The following CYP4F12 variants were observed in gnomAD, a reference collection of about 807,000 sequenced individuals.
CYP4F12 encodes cytochrome P450 4F12.
In CYP4F12, 60 loss-of-function variants were observed where a neutral mutation model predicts 56.5. That is an observed-to-expected ratio of 1.06 (90% CI 0.86 to 1.32). CYP4F12 has a LOEUF of 1.32. Among genes scored for constraint, CYP4F12 ranks in the 40% most tolerant of loss-of-function variants. CYP4F12 has a pLI of 0.00. For synonymous variants in CYP4F12, 263 were observed against 264.9 expected, an observed-to-expected ratio of 0.99 and a Z score of 0.07; for missense variants, 711 against 683.5, an observed-to-expected ratio of 1.04 and a Z score of -0.45.
chr19:15,694,408 C>A (rs1483156391), intron 9 of CYP4F12, among the ~76,000 whole-genome samples: 3 of 152,034 alleles, frequency 2.0e-5, no homozygotes, highest in African/African-American at 7.3e-5. Flanking sequence ...CCTTCACGTC[C>A]CTTGTAAGTT....
chr19:15,682,525 A>G lies in CYP4F12; in HGVS notation c.647+15A>G. 1 of 1,612,248 alleles carries G rather than the reference A, an allele frequency of 6.2e-7. No individual in the cohort carries two copies. The highest frequency in any genetic ancestry group is 8.5e-7 in the Non-Finnish European group (1 of 1,178,776). On this transcript the variant is annotated intron_variant, in intron 6 of 12. Coordinates refer to ENST00000550308, the MANE Select transcript of CYP4F12 (RefSeq NM_023944.4). ...CATTGTCAGGAGTGAGTTCCTTCCT[A>G]GGGCCTGGGATATGAATCCATGGAC...
At position 15,694,813 on chromosome 19, in the gene CYP4F12, C is replaced by T. The variant is rs1281317403; in HGVS notation, c.1116-1123C>T. ...AAAACCACAATGAGATACCATCTCA[C>T]ACCAGTTAGAATGGCAATCATTAAA... On this transcript the variant is annotated intron_variant, in intron 9 of 12. Coordinates refer to ENST00000550308, the MANE Select transcript of CYP4F12 (RefSeq NM_023944.4). 3.3e-5 allele frequency among the ~76,000 whole-genome samples: 5 copies of T among 152,200 alleles called. No homozygotes were observed. The East Asian group carries it at 9.6e-4, about 29-fold the overall frequency.
chr19:15,679,611 C>T (rs1040932724), intron 3 of CYP4F12, among the ~76,000 whole-genome samples: 1 of 152,228 alleles, frequency 6.6e-6, no homozygotes, highest in Non-Finnish European at 1.5e-5. Flanking sequence ...TCTGGTTCTT[C>T]TCTGACATGT....
At position 15,695,977 on chromosome 19, in the gene CYP4F12, A is replaced by G. The variant is rs956172433; in HGVS notation, c.1157A>G (p.Lys386Arg). 1 of 1,613,946 alleles carries G rather than the reference A, an allele frequency of 6.2e-7. No individual in the cohort carries two copies. Among genetic ancestry groups the G allele is most frequent in the Middle Eastern group, 1.6e-4 (1 of 6,062 alleles). The stretch of plus-strand genomic sequence containing the variant: ...CTGCCCTTCCTGACCATGTGCGTGA[A>G]GGAGAGCCTGAGGTTACATCCCCCA... ...AQLPFLTMCV[K>R]ESLRLHPPAP... The change falls in exon 10 of 13, where the codon AAG (lysine) becomes AGG (arginine). Residue 386 changes from lysine (K) to arginine (R), a missense_variant. Coordinates refer to ENST00000550308, the MANE Select transcript of CYP4F12 (RefSeq NM_023944.4).
At chr19:15,689,968 G>C (rs2007798679) in intron 9 of CYP4F12, among the ~76,000 whole-genome samples, 1 of 152,150 alleles carries the variant, frequency 6.6e-6, no homozygotes, top group African/African-American at 2.4e-5. Flanking sequence ...GTTGGGAGCC[G>C]GGTAAGGGAG....
rs775256919 is a variant in CYP4F12 at position 15,683,572 on chromosome 19, A to C, written c.727A>C (p.Met243Leu). ...EKRSQHILQH[M>L]DFLYYLSHDG... is the part of the protein sequence containing the mutation. ...AAGAAGCCAGCATATCCTCCAGCAC[A>C]TGGACTTTCTGTATTACCTCTCCCA... Residue 243 changes from methionine to leucine, a missense_variant, in exon 7 of 13, where the codon ATG (methionine) becomes CTG (leucine). Transcript: ENST00000550308. 5.0e-6 allele frequency: 8 copies of C among 1,613,978 alleles called. No individual in the cohort carries two copies. In the African/African-American group the frequency reaches 1.1e-4, roughly 22 times the overall value.
In CYP4F12 at chr19:15,696,900, G is replaced by T. The variant is rs763028127; in HGVS notation, c.1398-8G>T. ...GGGCACAGTCACAGTCCCCACTCCC[G>T]CCTGCAGGAACTGCATCGGGCAGGC... On this transcript the variant is annotated splice_polypyrimidine_tract_variant and splice_region_variant and intron_variant, in intron 12 of 12. Transcript: ENST00000550308. 4.4e-6 allele frequency: 7 copies of T among 1,608,668 alleles called. No homozygotes were observed. The highest frequency in any genetic ancestry group is 5.9e-6 in the Non-Finnish European group (7 of 1,177,136).
chr19:15,690,027 ACTAAAACCT>A (rs1309103124), intron 9 of CYP4F12, among the ~76,000 whole-genome samples: 2 of 152,206 alleles, frequency 1.3e-5, no homozygotes, highest in African/African-American at 4.8e-5. Context: ...TGATGGGTGC[ACTAAAACCT>A]CAGAATTCAC....
intron 2 of CYP4F12, 73 bp downstream of exon 2, chr19:15,673,800 G>A: frequency 6.4e-7 from 1 of 1,561,866 alleles, no homozygotes; most frequent in Non-Finnish European, 8.7e-7. Context: ...ATGGGGCTCA[G>A]TGAGCTAGGT....
intron 2 of CYP4F12, 58 bp downstream of exon 2, chr19:15,673,785 C>T (rs780879796): frequency 6.4e-5 from 101 of 1,589,226 alleles, no homozygotes; most frequent in Non-Finnish European, 8.2e-5. Context: ...TCCAGAGGAG[C>T]AGGAATGGGG....
chr19:15,683,521 T>G lies in CYP4F12; in HGVS notation c.676T>G (p.Leu226Val), dbSNP rs1441632494. The G allele has an allele frequency of 1.9e-6, 3 of 1,608,974 alleles. No individual in the cohort carries two copies. Among genetic ancestry groups the G allele is most frequent in the Non-Finnish European group, 2.5e-6 (3 of 1,178,012 alleles). The change falls in exon 7 of 13, where the codon TTG becomes GTG. Residue 226 changes from leucine (L) to valine (V), a missense_variant. Leu to Val is a conservative substitution (Grantham distance 32). Coordinates refer to ENST00000550308, the MANE Select transcript of CYP4F12 (RefSeq NM_023944.4). Reference sequence around the variant, plus strand: ...GCCCAGTGAATATATTGCCACCATCTTGGAGCTCAGTGCCCTTGTAGAGAA... The same window carrying G: ...GCCCAGTGAATATATTGCCACCATCGTGGAGCTCAGTGCCCTTGTAGAGAA... Reference protein sequence around the residue: ...ERPSEYIATILELSALVEKRS... With the variant: ...ERPSEYIATIVELSALVEKRS...
In CYP4F12 at chr19:15,697,038, G is replaced by T. The variant is rs1202284601; in HGVS notation, c.1528G>T (p.Gly510Cys). 1.9e-6 allele frequency: 3 copies of T among 1,614,160 alleles called. No homozygotes were observed. The highest frequency in any genetic ancestry group is 1.7e-6 in the Non-Finnish European group (2 of 1,179,960). Reference protein sequence around the residue: ...RKLELIMRAEGGLWLRVEPLN... With the variant: ...RKLELIMRAECGLWLRVEPLN... ...GCTGGAATTGATCATGCGCGCCGAGGGCGGGCTTTGGCTGCGGGTGGAGCC... is the reference window on the plus strand; with the variant it reads ...GCTGGAATTGATCATGCGCGCCGAGTGCGGGCTTTGGCTGCGGGTGGAGCC... Residue 510 changes from glycine (G) to cysteine (C), a missense_variant, in exon 13 of 13, where the codon GGC becomes TGC. By Grantham distance (159) the Gly-to-Cys change is radical (BLOSUM62 -3). Transcript: ENST00000550308.
intron 9 of CYP4F12, among the ~76,000 whole-genome samples, chr19:15,689,027 C>A (rs1427670424): frequency 6.6e-6 from 1 of 152,026 alleles, no homozygotes; most frequent in Non-Finnish European, 1.5e-5. Flanking sequence ...TGGACATTGG[C>A]CTAGGCAAAG....
rs200041881 is a variant in CYP4F12 at position 15,697,029 on chromosome 19, C to T, written c.1519C>T (p.Arg507Cys). ...CCGCAGGAAGCTGGAATTGATCATGCGCGCCGAGGGCGGGCTTTGGCTGCG... is the reference window on the plus strand; with the variant it reads ...CCGCAGGAAGCTGGAATTGATCATGTGCGCCGAGGGCGGGCTTTGGCTGCG... ...EPRRKLELIM[R>C]AEGGLWLRVE... The change falls in exon 13 of 13, where the codon CGC becomes TGC. Residue 507 changes from arginine to cysteine, a missense_variant. Coordinates refer to ENST00000550308, the MANE Select transcript of CYP4F12 (RefSeq NM_023944.4). The T allele has an allele frequency of 8.1e-6, 13 of 1,614,048 alleles. No individual in the cohort carries two copies. In the African/African-American group the frequency reaches 1.3e-4, roughly 17 times the overall value.
chr19:15,673,518 C>G lies in CYP4F12; in HGVS notation c.-1-11C>G, dbSNP rs2144698593. The G allele has an allele frequency of 6.2e-7, 1 of 1,612,386 alleles. No homozygotes were observed. The highest frequency in any genetic ancestry group is 2.2e-5 in the East Asian group (1 of 44,858). On this transcript the variant is annotated splice_polypyrimidine_tract_variant and intron_variant, in intron 1 of 12. Transcript: ENST00000550308. ...CTCAGGTCCTCACCCTGCATCCCCT[C>G]TGCCCTGCAGGATGTCGCTGCTGAG...
Position 15,673,626 on chromosome 19 carries a change from C to G in CYP4F12, c.97C>G (p.Arg33Gly). 6.2e-7 allele frequency: 1 copy of G among 1,614,196 alleles called. No homozygotes were observed. ...GGTTGTGGGCTCCTGGCTACTCGCC[C>G]GCATCCTGGCTTGGACCTATGCCTT... ...LLVVGSWLLA[R>G]ILAWTYAFYN... Residue 33 changes from arginine to glycine, a missense_variant, in exon 2 of 13, where the codon CGC (arginine) becomes GGC (glycine). Transcript: ENST00000550308.
chr19:15,673,989 A>C (rs183005668), intron 2 of CYP4F12, among the ~76,000 whole-genome samples: 4 of 1,420 alleles, frequency 2.8e-3, no homozygotes, highest in Admixed American at 0.015. Context: ...TCATTCCTCT[A>C]CCCACTCACT....
At chr19:15,685,394 G>A (rs905758343) in intron 9 of CYP4F12, among the ~76,000 whole-genome samples, 197 bp downstream of exon 9, 1 of 152,138 alleles carries the variant, frequency 6.6e-6, no homozygotes, top group African/African-American at 2.4e-5. Context: ...CGAAAGACCC[G>A]GGCTGCTAAG....
At chr19:15,688,939 C>G (rs2007746009) in intron 9 of CYP4F12, among the ~76,000 whole-genome samples, 1 of 152,126 alleles carries the variant, frequency 6.6e-6, no homozygotes, top group Admixed American at 6.5e-5. Flanking sequence ...CCATCTCTCA[C>G]CTTGTACAAA....
Sources: allele counts gnomAD v4.1 joint callset (sites outside exome capture counted in the v4.1 genomes callset), GRCh38; gene constraint gnomAD v4.1.1; transcripts MANE v1.5; gene names NCBI Gene and HGNC (gene_info 2026-07-23, HGNC 2026-07-21).